The following KLF9 variants were observed in gnomAD, a reference collection of about 807,000 sequenced individuals.
KLF9 encodes KLF transcription factor 9, also known as Krueppel-like factor 9.
Under a neutral mutation model 17.3 loss-of-function variants are expected in KLF9, and 2 were observed. The observed-to-expected ratio is 0.12, with a 90% confidence interval of 0.05 to 0.36. The LOEUF (loss-of-function observed/expected upper bound fraction) is 0.36, where lower values mean the gene tolerates loss of function less well. Ranked by LOEUF, KLF9 falls within the 10% of genes least tolerant of loss-of-function variation. KLF9 has a pLI of 1.00. For missense variants in KLF9, 226 were observed against 333.2 expected (o/e 0.68, Z 2.51); for synonymous variants, 138 against 139.2 (o/e 0.99, Z 0.06).
At chr9:70,388,427 A>AAT (rs1448911926) in intron 1 of KLF9, among the ~76,000 whole-genome samples, 1 of 152,130 alleles carries the variant, frequency 6.6e-6, no homozygotes, top group Non-Finnish European at 1.5e-5. Flanking sequence ...ACTGTGAGGA[A>AAT]ATAAAGTTCT....
At position 70,409,052 on chromosome 9, in the gene KLF9, ATATATGTG is replaced by A. The variant is rs1284045497; in HGVS notation, c.505+3799_505+3806del. Among the ~76,000 whole-genome samples the A allele has an allele frequency of 3.8e-4, 42 of 110,862 alleles. 1 individual carries two copies. The highest frequency in any genetic ancestry group is 1.2e-3 in the African/African-American group (38 of 31,442). The allele number at this position is 110,862 out of a possible 152,430, so 72.7% of individuals were successfully genotyped here. A position where few individuals can be genotyped will look rare whatever the true frequency, so the allele number is the denominator to read the frequency against. Reference sequence around the variant, plus strand: ...TATATATATGTGTATATATATATACATATATGTGTATATATATGTGTATATATATACAC... The same window carrying A: ...TATATATATGTGTATATATATATACATATATATATGTGTATATATATACAC... On this transcript the variant is annotated intron_variant, in intron 1 of 1. Transcript: ENST00000377126.
Position 70,413,452 on chromosome 9 carries a change from A to AGCGCGGCGCG in KLF9, c.-99_-90dup, listed in dbSNP as rs935831659. The stretch of plus-strand genomic sequence containing the variant: ...CGCCCTGCCCTGGCCTCGGACGACG[A>AGCGCGGCGCG]GCGCGGCGCGGCGCGGCACGGCGCG... On this transcript the variant is annotated 5_prime_UTR_variant, in exon 1 of 2. Transcript: ENST00000377126. This position sits in a 1 kb window ranked among gnomAD's most constrained non-coding sequence, Gnocchi z 5.6. 4.4e-5 allele frequency: 55 copies of AGCGCGGCGCG among 1,257,916 alleles called. No individual in the cohort carries two copies. The highest frequency in any genetic ancestry group is 2.2e-4 in the African/African-American group (14 of 63,814). 77.9% of individuals were successfully genotyped at this position (1,257,916 alleles called of 1,614,324 possible).
intron 1 of KLF9, among the ~76,000 whole-genome samples, chr9:70,408,696 C>G (rs1049369515): frequency 2.0e-5 from 3 of 152,164 alleles, no homozygotes; most frequent in Admixed American, 2.0e-4. Context: ...AAACCTTTTA[C>G]AGTAATTAAG....
Position 70,413,492 on chromosome 9 carries a change from G to A in KLF9, c.-129C>T. On this transcript the variant is annotated 5_prime_UTR_variant, in exon 1 of 2. Coordinates refer to ENST00000377126, the MANE Select transcript of KLF9 (RefSeq NM_001206.4). This position sits in a 1 kb window ranked among gnomAD's most constrained non-coding sequence, Gnocchi z 5.6. ...GGCACGGCGCGGCGGCCAAGGGGGC[G>A]GGGGCGCGGGGCGCTTCCGACTCGC... 3.0e-6 allele frequency: 3 copies of A among 1,003,132 alleles called. No individual in the cohort carries two copies. The highest frequency in any genetic ancestry group is 3.8e-6 in the Non-Finnish European group (3 of 791,376). The allele number at this position is 1,003,132 out of a possible 1,614,324, so 62.1% of individuals were successfully genotyped here.
At chr9:70,397,244 G>A (rs765705517) in intron 1 of KLF9, among the ~76,000 whole-genome samples, 3 of 152,122 alleles carry the variant, frequency 2.0e-5, no homozygotes, top group African/African-American at 7.2e-5. Flanking sequence ...GGAGGCCAAG[G>A]GGGGTGGATC....
chr9:70,405,898 G>A (rs896209440), intron 1 of KLF9, among the ~76,000 whole-genome samples: 1 of 152,140 alleles, frequency 6.6e-6, no homozygotes, highest in Non-Finnish European at 1.5e-5. Context: ...CATCAAAAAG[G>A]TATTAAAGTT....
chr9:70,390,289 G>T (rs1022321449), intron 1 of KLF9, among the ~76,000 whole-genome samples: 2 of 152,044 alleles, frequency 1.3e-5, no homozygotes, highest in African/African-American at 4.8e-5. Context: ...GAAAAGCTAC[G>T]GCAGCAAAAG....
At chr9:70,388,897 T>C (rs1361399328) in intron 1 of KLF9, among the ~76,000 whole-genome samples, 2 of 152,180 alleles carry the variant, frequency 1.3e-5, no homozygotes, top group African/African-American at 4.8e-5. Context: ...CCCAGCACTT[T>C]GGGAGGCTGA....
intron 1 of KLF9, among the ~76,000 whole-genome samples, chr9:70,400,432 C>G (rs767856894): frequency 2.6e-5 from 4 of 152,118 alleles, no homozygotes; most frequent in Non-Finnish European, 4.4e-5. Context: ...GCCCACCAAA[C>G]AGAAGATCAC....
At chr9:70,403,038 T>C (rs2037233871) in intron 1 of KLF9, among the ~76,000 whole-genome samples, 1 of 152,118 alleles carries the variant, frequency 6.6e-6, no homozygotes, top group African/African-American at 2.4e-5. Context: ...TAATCCCAGC[T>C]ATTCGGGAGG....
At chr9:70,406,895 GAGAGA>G (rs1325464119) in intron 1 of KLF9, among the ~76,000 whole-genome samples, 1 of 120,614 alleles carries the variant, frequency 8.3e-6, no homozygotes, top group African/African-American at 2.7e-5. Context: ...GAGAGAGAGA[GAGAGA>G]AAAAAAAAAA....
chr9:70,410,031 G>A (rs1353571603), intron 1 of KLF9, among the ~76,000 whole-genome samples: 1 of 152,200 alleles, frequency 6.6e-6, no homozygotes, highest in East Asian at 1.9e-4. Flanking sequence ...GTGACTTGAG[G>A]ATAGTAGCCC....
In KLF9 at chr9:70,387,549, G is replaced by A. The variant is rs1187277974; in HGVS notation, c.*227C>T. The A allele has an allele frequency of 9.2e-6, 5 of 543,120 alleles. No individual in the cohort carries two copies. Among genetic ancestry groups the A allele is most frequent in the Non-Finnish European group, 1.7e-5 (5 of 301,746 alleles). The allele number at this position is 543,120 out of a possible 1,614,324, so 33.6% of individuals were successfully genotyped here. A position where few individuals can be genotyped will look rare whatever the true frequency, so the allele number is the denominator to read the frequency against. ...TCCAACAGTCAGAGACGGGTTCAGA[G>A]AGTTGCCTCTTCAAGGGGACCGAGT... On this transcript the variant is annotated 3_prime_UTR_variant, in exon 2 of 2. Coordinates refer to ENST00000377126, the MANE Select transcript of KLF9 (RefSeq NM_001206.4).
chr9:70,409,063 T>TAC (rs2037281416), intron 1 of KLF9, among the ~76,000 whole-genome samples: 3 of 105,740 alleles, frequency 2.8e-5, no homozygotes, highest in Admixed American at 1.1e-4. Flanking sequence ...TATATGTGTA[T>TAC]ATATATGTGT....
chr9:70,391,629 G>A (rs750965613), intron 1 of KLF9, among the ~76,000 whole-genome samples: 8 of 152,080 alleles, frequency 5.3e-5, no homozygotes, highest in Non-Finnish European at 1.2e-4. Context: ...TAAAAGGCCC[G>A]GGATCATTTT....
chr9:70,409,109 TATATAC>T (rs2037285903), intron 1 of KLF9, among the ~76,000 whole-genome samples: 2 of 98,304 alleles, frequency 2.0e-5, no homozygotes, highest in African/African-American at 3.1e-5. Context: ...TATGTGTATA[TATATAC>T]ATATATGTAT....
chr9:70,411,199 TCA>T (rs547019259), intron 1 of KLF9, among the ~76,000 whole-genome samples: 68 of 152,270 alleles, frequency 4.5e-4, no homozygotes, highest in Non-Finnish European at 8.5e-4. Context: ...CTCTGGCAGC[TCA>T]CAGAGGAACT....
intron 1 of KLF9, among the ~76,000 whole-genome samples, chr9:70,388,697 C>T (rs1036788702): frequency 2.0e-5 from 3 of 152,294 alleles, no homozygotes; most frequent in South Asian, 2.1e-4. Flanking sequence ...CAGCCTCCTA[C>T]CTGGAACGAG....
chr9:70,404,240 T>C (rs1042768454), intron 1 of KLF9, among the ~76,000 whole-genome samples: 1 of 152,076 alleles, frequency 6.6e-6, no homozygotes, highest in African/African-American at 2.4e-5. Flanking sequence ...AGCCACAAAA[T>C]CCAAAGTGCC....
Sources: gnomAD v4.1 joint callset for allele counts (sites outside exome capture counted in the v4.1 genomes callset) on GRCh38, gnomAD v4.1.1 for gene constraint, Gnocchi (gnomAD v3.1) non-coding constraint, MANE v1.5 for transcripts, NCBI Gene and HGNC (gene_info 2026-07-23, HGNC 2026-07-21) for gene names.